Variants in PTPRD observed in about 807,000 individuals in gnomAD.
PTPRD encodes receptor-type tyrosine-protein phosphatase delta.
PTPRD carries 34 observed loss-of-function variants against 214.5 expected under a neutral mutation model. The observed-to-expected ratio is 0.16, with a 90% CI of 0.12 to 0.21. The LOEUF is 0.21. Ranked by LOEUF, PTPRD falls within the 10% of genes least tolerant of loss-of-function variation. The pLI is 1.00. For synonymous variants in PTPRD, 1,128 were observed against 845.7 expected (o/e 1.33, Z -5.79); for missense variants, 2,545 against 2,398.7 (o/e 1.06, Z -1.27).
intron 4 of PTPRD, among the ~76,000 whole-genome samples, chr9:10,012,011 CT>C (rs1271352851): frequency 1.3e-5 from 2 of 151,888 alleles, no homozygotes; most frequent in Non-Finnish European, 2.9e-5. Context: ...ACATTAAATC[CT>C]TCTTTTTCAA....
chr9:9,484,922 T>C (rs1284546533), intron 8 of PTPRD, among the ~76,000 whole-genome samples: 1 of 152,168 alleles, frequency 6.6e-6, no homozygotes, highest in Non-Finnish European at 1.5e-5. Flanking sequence ...GAAGCATCAA[T>C]GCATTGGAAA....
At chr9:8,978,303 A>G (rs2154338336) in intron 11 of PTPRD, among the ~76,000 whole-genome samples, 1 of 152,194 alleles carries the variant, frequency 6.6e-6, no homozygotes. Flanking sequence ...TGCTGGCATT[A>G]TGGTTGTTAC....
At chr9:10,519,435 A>G (rs1042986030) in intron 2 of PTPRD, among the ~76,000 whole-genome samples, 1 of 152,148 alleles carries the variant, frequency 6.6e-6, no homozygotes. Flanking sequence ...AAGATATTCA[A>G]ACATCTAACA....
intron 6 of PTPRD, among the ~76,000 whole-genome samples, chr9:9,760,556 T>A (rs1307455456): frequency 6.7e-6 from 1 of 149,688 alleles, no homozygotes; most frequent in Non-Finnish European, 1.5e-5. Context: ...CTGTCTGGAC[T>A]TTGAGAGATC....
At chr9:8,349,573 TA>T (rs1484495720) in intron 39 of PTPRD, among the ~76,000 whole-genome samples, 2 of 152,112 alleles carry the variant, frequency 1.3e-5, no homozygotes, top group African/African-American at 4.8e-5. Context: ...TGAAACATGA[TA>T]AGAACAGCAA....
At chr9:10,327,950 A>T (rs1281713642) in intron 3 of PTPRD, among the ~76,000 whole-genome samples, 1 of 151,742 alleles carries the variant, frequency 6.6e-6, no homozygotes, top group Non-Finnish European at 1.5e-5. Context: ...CAATTTCTGG[A>T]GTTTTTATTA....
intron 3 of PTPRD, among the ~76,000 whole-genome samples, chr9:10,039,243 A>G (rs2097252176): frequency 6.6e-6 from 1 of 152,068 alleles, no homozygotes; most frequent in African/African-American, 2.4e-5. Context: ...CTACTGTGAC[A>G]ATTTAAAACT....
intron 3 of PTPRD, among the ~76,000 whole-genome samples, chr9:10,183,529 A>G (rs1391697188): frequency 6.6e-6 from 1 of 152,226 alleles, no homozygotes; most frequent in African/African-American, 2.4e-5. Flanking sequence ...GGAATTATTT[A>G]AAAGAGACAG....
chr9:10,089,066 A>T (rs554148750), intron 3 of PTPRD, among the ~76,000 whole-genome samples: 90 of 151,586 alleles, frequency 5.9e-4, no homozygotes, highest in African/African-American at 1.7e-3. Context: ...AAAATTAGCC[A>T]GGCATCATGG....
intron 10 of PTPRD, among the ~76,000 whole-genome samples, chr9:9,090,364 T>A (rs980727161): frequency 2.6e-4 from 40 of 152,220 alleles, no homozygotes; most frequent in African/African-American, 9.6e-4. Flanking sequence ...TCCAGTTCCA[T>A]CTATATTGGT....
chr9:8,761,462 T>C (rs2094409439), intron 11 of PTPRD, among the ~76,000 whole-genome samples: 1 of 152,202 alleles, frequency 6.6e-6, no homozygotes, highest in Admixed American at 6.5e-5. Context: ...TTACTGTTTA[T>C]AATGACCATG....
At chr9:8,747,073 A>T (rs890357272) in intron 11 of PTPRD, among the ~76,000 whole-genome samples, 1 of 152,206 alleles carries the variant, frequency 6.6e-6, no homozygotes, top group Admixed American at 6.5e-5. Flanking sequence ...CTTTTTAAGA[A>T]TTTCTCTATC....
intron 14 of PTPRD, among the ~76,000 whole-genome samples, chr9:8,607,044 A>T (rs2154283791): frequency 6.6e-6 from 1 of 152,332 alleles, no homozygotes; most frequent in South Asian, 2.1e-4. Context: ...AGGGTTTGGA[A>T]TAGTTGGGAA....
Position 9,718,208 on chromosome 9 carries a change from T to C in PTPRD, c.-287+16325A>G, listed in dbSNP as rs995369342. Among the ~76,000 whole-genome samples the C allele has an allele frequency of 6.6e-5, 10 of 151,838 alleles. No homozygotes were observed. In the East Asian group the frequency reaches 1.5e-3, roughly 23 times the overall value. ...AAGTACATGAAAATATTTTCTTTTA[T>C]AAGAGGAGATGGCATTGAAAACATG... On this transcript the variant is annotated intron_variant, in intron 7 of 45. Transcript: ENST00000381196.
intron 35 of PTPRD, among the ~76,000 whole-genome samples, chr9:8,408,442 A>G (rs2130847268): frequency 6.6e-6 from 1 of 152,136 alleles, no homozygotes; most frequent in African/African-American, 2.4e-5. Flanking sequence ...CCAGCACTCA[A>G]TCTGAAGTTT....
chr9:10,045,460 G>C (rs189990327), intron 3 of PTPRD, among the ~76,000 whole-genome samples: 5 of 151,644 alleles, frequency 3.3e-5, no homozygotes, highest in Admixed American at 6.6e-5. Flanking sequence ...ATCAAGGATT[G>C]TTTATATTGC....
chr9:9,399,262 G>C (rs2069182313), intron 8 of PTPRD, among the ~76,000 whole-genome samples: 1 of 151,970 alleles, frequency 6.6e-6, no homozygotes, highest in Admixed American at 6.6e-5. Flanking sequence ...TCTTAATTTG[G>C]TAAGAGGGAG....
intron 2 of PTPRD, among the ~76,000 whole-genome samples, chr9:10,531,533 T>G (rs1272970844): frequency 3.3e-5 from 5 of 152,222 alleles, no homozygotes; most frequent in African/African-American, 1.2e-4. Context: ...CACTTTACCT[T>G]GAAAAAGACT....
At chr9:8,436,569 A>G in intron 35 of PTPRD, 23 bp downstream of exon 35, 5 of 1,552,192 alleles carry the variant, frequency 3.2e-6, no homozygotes, top group Non-Finnish European at 4.4e-6. Flanking sequence ...AAATTACTGT[A>G]AAGAATAAAC....
Sources: gnomAD v4.1 joint callset for allele counts (sites outside exome capture counted in the v4.1 genomes callset) on GRCh38, gnomAD v4.1.1 for gene constraint, MANE v1.5 for transcripts, NCBI Gene and HGNC (gene_info 2026-07-23, HGNC 2026-07-21) for gene names.